MCC: variants seen among roughly 807,000 people sequenced by gnomAD.
MCC encodes MCC regulator of Wnt signaling pathway.
A neutral mutation model predicts 116.2 loss-of-function variants in MCC; 90 were observed. That is an observed-to-expected ratio of 0.77 (90% CI 0.65 to 0.92). MCC has a LOEUF of 0.92. Among genes scored for constraint, MCC ranks in the 40% least tolerant of loss-of-function variants. The pLI is 0.00. For missense variants in MCC, 1,516 were observed against 1,312.2 expected, an observed-to-expected ratio of 1.16 and a Z score of -2.40; for synonymous variants, 578 against 510.5, an observed-to-expected ratio of 1.13 and a Z score of -1.78.
intron 3 of MCC, among the ~76,000 whole-genome samples, chr5:113,308,155 G>T (rs1162326481): frequency 6.6e-6 from 1 of 151,984 alleles, no homozygotes; most frequent in Non-Finnish European, 1.5e-5. Flanking sequence ...TATATATATT[G>T]TAGAGACAAG....
At chr5:113,417,234 C>T (rs1051435192) in intron 1 of MCC, among the ~76,000 whole-genome samples, 6 of 152,168 alleles carry the variant, frequency 3.9e-5, no homozygotes, top group African/African-American at 1.4e-4. Context: ...TCCCAAAGTG[C>T]TGGGATTACA....
At chr5:113,135,595 T>C (rs1393563990) in intron 5 of MCC, among the ~76,000 whole-genome samples, 2 of 151,670 alleles carry the variant, frequency 1.3e-5, no homozygotes, top group Non-Finnish European at 2.9e-5. Flanking sequence ...TTAGGTATTT[T>C]ATAATTTTTG....
intron 14 of MCC, among the ~76,000 whole-genome samples, chr5:113,062,230 G>A (rs1366521748): frequency 1.3e-5 from 2 of 152,200 alleles, no homozygotes; most frequent in African/African-American, 4.8e-5. Flanking sequence ...ATGACTCTGT[G>A]TTTTGAATTT....
intron 2 of MCC, among the ~76,000 whole-genome samples, chr5:113,370,637 C>A (rs1768815288): frequency 1.3e-5 from 2 of 152,134 alleles, no homozygotes; most frequent in African/African-American, 2.4e-5. Context: ...ATGGACTGAT[C>A]CATAGATATA....
intron 1 of MCC, among the ~76,000 whole-genome samples, chr5:113,397,824 T>A (rs1769565114): frequency 6.6e-6 from 1 of 151,902 alleles, no homozygotes. Context: ...GCAACAAAAA[T>A]AAAAATTGAC....
At chr5:113,237,417 A>G (rs1764172904) in intron 3 of MCC, among the ~76,000 whole-genome samples, 2 of 152,230 alleles carry the variant, frequency 1.3e-5, no homozygotes, top group South Asian at 4.1e-4. Flanking sequence ...TGAAAAGCAA[A>G]TACCAACTGC....
At chr5:113,452,985 T>A (rs1771443473) in intron 1 of MCC, among the ~76,000 whole-genome samples, 1 of 152,210 alleles carries the variant, frequency 6.6e-6, no homozygotes, top group African/African-American at 2.4e-5. Context: ...CAATAAGAAC[T>A]TTAAGAGCAG....
At chr5:113,118,903 C>T (rs1379795807) in intron 6 of MCC, among the ~76,000 whole-genome samples, 6 of 152,194 alleles carry the variant, frequency 3.9e-5, no homozygotes, top group Non-Finnish European at 5.9e-5. Flanking sequence ...TGCCCCTGCC[C>T]GGTGCACCCT....
intron 3 of MCC, among the ~76,000 whole-genome samples, chr5:113,215,279 TTGG>T (rs1378212775): frequency 6.6e-6 from 1 of 152,158 alleles, no homozygotes; most frequent in Non-Finnish European, 1.5e-5. Context: ...TTCAGACAAC[TTGG>T]TGGGGGGAGG....
chr5:113,334,516 T>A (rs1767822976), intron 3 of MCC, among the ~76,000 whole-genome samples: 1 of 150,180 alleles, frequency 6.7e-6, no homozygotes, highest in Non-Finnish European at 1.5e-5. Flanking sequence ...GTATTACATA[T>A]ATATTTACAA....
At chr5:113,357,589 A>G (rs1381174139) in intron 2 of MCC, among the ~76,000 whole-genome samples, 1 of 152,176 alleles carries the variant, frequency 6.6e-6, no homozygotes, top group Non-Finnish European at 1.5e-5. Context: ...AAAACCTGAA[A>G]CTGCAGATCA....
chr5:113,192,902 G>T (rs563209226), intron 3 of MCC, among the ~76,000 whole-genome samples: 244 of 152,320 alleles, frequency 1.6e-3, no homozygotes, highest in African/African-American at 5.7e-3. Flanking sequence ...ACAAATACAT[G>T]AACTTAGTGG....
At chr5:113,158,437 T>C (rs1296947963) in intron 3 of MCC, among the ~76,000 whole-genome samples, 1 of 152,264 alleles carries the variant, frequency 6.6e-6, no homozygotes, top group South Asian at 2.1e-4. Context: ...TCATACACTT[T>C]ACCTGTTCCA....
chr5:113,462,352 TC>T (rs1456995275), intron 1 of MCC, among the ~76,000 whole-genome samples: 1 of 152,176 alleles, frequency 6.6e-6, no homozygotes, highest in African/African-American at 2.4e-5. Flanking sequence ...GTTTCATAGT[TC>T]CCAGGGCAGC....
chr5:113,378,553 A>G (rs1421544432), intron 2 of MCC, among the ~76,000 whole-genome samples: 1 of 152,214 alleles, frequency 6.6e-6, no homozygotes, highest in Admixed American at 6.5e-5. Context: ...TTTGATTGAA[A>G]TAAGTTTTGG....
At chr5:113,035,946 TC>T (rs1751300710) in intron 17 of MCC, among the ~76,000 whole-genome samples, 1 of 150,636 alleles carries the variant, frequency 6.6e-6, no homozygotes, top group Non-Finnish European at 1.5e-5. Context: ...AAGGATAACA[TC>T]ATTTCATTCC....
chr5:113,434,631 C>T lies in MCC; in HGVS notation c.171-49419G>A, dbSNP rs752014753. 7 of 1,613,922 alleles carry T rather than the reference C, an allele frequency of 4.3e-6. No individual in the cohort carries two copies. The East Asian group carries it at 1.3e-4, about 31-fold the overall frequency. On this transcript the variant is annotated intron_variant, in intron 1 of 18. Transcript: ENST00000408903. The surrounding 1 kb of genome is among the most constrained non-coding windows in gnomAD (Gnocchi z 4.2). Reference sequence around the variant, plus strand: ...GATCTCGTAGGTCTTAATGATGGAGCAGTGGTTTAACATGGCCAGAATCTC... The same window carrying T: ...GATCTCGTAGGTCTTAATGATGGAGTAGTGGTTTAACATGGCCAGAATCTC...
chr5:113,123,312 C>G (rs1757844166), intron 5 of MCC, among the ~76,000 whole-genome samples: 1 of 152,188 alleles, frequency 6.6e-6, no homozygotes. Flanking sequence ...AGCACCTCAT[C>G]TGTGCAGATC....
At chr5:113,458,214 CTT>C (rs1371090428) in intron 1 of MCC, among the ~76,000 whole-genome samples, 4 of 152,202 alleles carry the variant, frequency 2.6e-5, no homozygotes, top group Non-Finnish European at 4.4e-5. Flanking sequence ...ACTGCTCACT[CTT>C]TGGGTCCACA....
Sources: allele counts gnomAD v4.1 joint callset (sites outside exome capture counted in the v4.1 genomes callset), GRCh38; gene constraint gnomAD v4.1.1; non-coding constraint Gnocchi (gnomAD v3.1); transcripts MANE v1.5; gene names NCBI Gene and HGNC (gene_info 2026-07-23, HGNC 2026-07-21).